Variants in PTPRU observed in about 807,000 individuals in gnomAD.
PTPRU encodes receptor-type tyrosine-protein phosphatase U.
PTPRU carries 69 observed loss-of-function variants against 166.3 expected under a neutral mutation model. The ratio of observed to expected loss-of-function variants is 0.41; its 90% CI spans 0.34 to 0.51. The LOEUF is 0.51. Ranked by LOEUF, PTPRU falls within the 20% of genes least tolerant of loss-of-function variation. PTPRU has a pLI of 0.09. For synonymous variants in PTPRU, 793 were observed against 814.0 expected (o/e 0.97, Z 0.44); for missense variants, 1,657 against 2,013.7 (o/e 0.82, Z 3.39).
intron 7 of PTPRU, among the ~76,000 whole-genome samples, chr1:29,262,773 A>G (rs1340672948): frequency 6.6e-6 from 1 of 152,106 alleles, no homozygotes; most frequent in Non-Finnish European, 1.5e-5. Context: ...ACCATTAACC[A>G]TTAATCAATT....
chr1:29,314,990 G>A (rs1192558856), intron 22 of PTPRU, among the ~76,000 whole-genome samples: 2 of 152,216 alleles, frequency 1.3e-5, no homozygotes, highest in East Asian at 3.8e-4. Flanking sequence ...GGGTATGAGT[G>A]TGTGGGCTTT....
Position 29,279,926 on chromosome 1 carries a change from G to T in PTPRU, c.1766-113G>T. 1 of 1,165,230 alleles carries T rather than the reference G, an allele frequency of 8.6e-7. No homozygotes were observed. Among genetic ancestry groups the T allele is most frequent in the Non-Finnish European group, 1.2e-6 (1 of 816,584 alleles). The allele number at this position is 1,165,230 out of a possible 1,614,324, so 72.2% of individuals were successfully genotyped here. On this transcript the variant is annotated intron_variant, in intron 10 of 29. Transcript: ENST00000373779. This position sits in a 1 kb window ranked among gnomAD's most constrained non-coding sequence, Gnocchi z 5.2. Reference sequence around the variant, plus strand: ...CTCAGGTCATGTCAGCAGGAACAAAGAGGCTAAGGCTGAAGTAGGGGAGAT... The same window carrying T: ...CTCAGGTCATGTCAGCAGGAACAAATAGGCTAAGGCTGAAGTAGGGGAGAT...
chr1:29,273,272 C>T (rs868753188), intron 7 of PTPRU, among the ~76,000 whole-genome samples: 2 of 152,056 alleles, frequency 1.3e-5, no homozygotes, highest in Admixed American at 6.5e-5. Flanking sequence ...CTTTTCTTTT[C>T]TATTCTTTTT....
At chr1:29,321,451 C>T (rs779504505) in intron 26 of PTPRU, among the ~76,000 whole-genome samples, 7 of 152,148 alleles carry the variant, frequency 4.6e-5, no homozygotes, top group Non-Finnish European at 8.8e-5. Flanking sequence ...AAAATTAAGA[C>T]CCAAAGAGGT....
intron 15 of PTPRU, among the ~76,000 whole-genome samples, chr1:29,294,263 A>G (rs1686782217): frequency 6.6e-6 from 1 of 152,188 alleles, no homozygotes; most frequent in Non-Finnish European, 1.5e-5. Context: ...CTTCTGCCAC[A>G]TTAGTTTGTA....
intron 15 of PTPRU, among the ~76,000 whole-genome samples, chr1:29,299,217 C>T (rs1035402469): frequency 2.0e-5 from 3 of 152,198 alleles, no homozygotes; most frequent in African/African-American, 7.2e-5. Context: ...TTTTCTGGGC[C>T]TCAGCCCTCC....
intron 26 of PTPRU, among the ~76,000 whole-genome samples, chr1:29,321,994 T>G (rs1210393120): frequency 6.6e-6 from 1 of 152,266 alleles, no homozygotes; most frequent in East Asian, 1.9e-4. Context: ...AGCTTTCTGC[T>G]GGGCCCAGGG....
At chr1:29,305,633 T>G in intron 18 of PTPRU, 2 of 752,320 alleles carry the variant, frequency 2.7e-6, no homozygotes, top group Admixed American at 1.7e-5. Flanking sequence ...TAGGTGGGAG[T>G]TGGCCTGAGA....
At chr1:29,284,710 G>C in intron 13 of PTPRU, 21 bp from the exon 14 acceptor site, 1 of 1,614,028 alleles carries the variant, frequency 6.2e-7, no homozygotes, top group Non-Finnish European at 8.5e-7. Context: ...CTGATCCCTT[G>C]TTCTGCTTTG....
Position 29,315,303 on chromosome 1 carries a change from T to C in PTPRU, c.3228-69T>C. 1.9e-6 allele frequency: 3 copies of C among 1,593,724 alleles called. No homozygotes were observed. The highest frequency in any genetic ancestry group is 2.6e-6 in the Non-Finnish European group (3 of 1,165,586). On this transcript the variant is annotated intron_variant, in intron 22 of 29. Coordinates refer to ENST00000373779, the MANE Select transcript of PTPRU (RefSeq NM_133178.4). The surrounding 1 kb of genome is among the most constrained non-coding windows in gnomAD (Gnocchi z 4.5). The stretch of plus-strand genomic sequence containing the variant: ...TGTAGACATGGCCAGTGCCCTCCTC[T>C]CTTCTTCTCCTTAGTCCCGGGCTTC...
rs975589364 is a variant in PTPRU, at chr1:29,280,606, C to T, written c.1868+465C>T. Among the ~76,000 whole-genome samples the T allele has an allele frequency of 4.0e-5, 6 of 151,618 alleles. No homozygotes were observed. The highest frequency in any genetic ancestry group is 7.4e-5 in the Non-Finnish European group (5 of 67,940). On this transcript the variant is annotated intron_variant, in intron 11 of 29. Transcript: ENST00000373779. The surrounding 1 kb of genome is among the most constrained non-coding windows in gnomAD (Gnocchi z 4.2). ...CAGAGGAAGCTGGGCTTGCTGGTGC[C>T]GTGGTGGCTGCCTCTGCTGGGGAGA...
intron 18 of PTPRU, among the ~76,000 whole-genome samples, chr1:29,308,839 T>C (rs538449907): frequency 6.6e-6 from 1 of 151,728 alleles, no homozygotes; most frequent in South Asian, 2.1e-4. Context: ...CTGGGTAACA[T>C]AGTGAGACCC....
At position 29,325,769 on chromosome 1, in the gene PTPRU, G is replaced by A; in HGVS notation, c.*108G>A. ...GCTCTGCCCAAACACACTCCCATGG[G>A]GCAAGCACTGGAGTGGATGCTGGGC... is the stretch of plus-strand genomic sequence containing the variant. On this transcript the variant is annotated 3_prime_UTR_variant, in exon 30 of 30. Coordinates refer to ENST00000373779, the MANE Select transcript of PTPRU (RefSeq NM_133178.4). 8.2e-7 allele frequency: 1 copy of A among 1,213,986 alleles called. No individual in the cohort carries two copies. Among genetic ancestry groups the A allele is most frequent in the Non-Finnish European group, 1.1e-6 (1 of 875,350 alleles). 75.2% of individuals were successfully genotyped at this position (1,213,986 alleles called of 1,614,324 possible). A position where few individuals can be genotyped will look rare whatever the true frequency, so the allele number is the denominator to read the frequency against.
In PTPRU at chr1:29,317,408, C is replaced by T. The variant is rs1687947209; in HGVS notation, c.3514-340C>T. Among the ~76,000 whole-genome samples, 1 of 152,144 alleles carries T rather than the reference C, an allele frequency of 6.6e-6. No individual in the cohort carries two copies. Among genetic ancestry groups the T allele is most frequent in the African/African-American group, 2.4e-5 (1 of 41,430 alleles). ...CGTGTGTGCCGAGCTCAGCCCAGTG[C>T]TTGTCATGATCTCACTTTGGCCTCC... is the stretch of plus-strand genomic sequence containing the variant. On this transcript the variant is annotated intron_variant, in intron 24 of 29. Coordinates refer to ENST00000373779, the MANE Select transcript of PTPRU (RefSeq NM_133178.4). The surrounding 1 kb of genome is among the most constrained non-coding windows in gnomAD (Gnocchi z 5.6).
chr1:29,281,812 C>G (rs1040836689), intron 11 of PTPRU, among the ~76,000 whole-genome samples: 1 of 152,130 alleles, frequency 6.6e-6, no homozygotes, highest in African/African-American at 2.4e-5. Context: ...TTCTGCTTCC[C>G]CAAGGAGAGG....
At chr1:29,305,904 C>T (rs953067806) in intron 18 of PTPRU, among the ~76,000 whole-genome samples, 3 of 152,158 alleles carry the variant, frequency 2.0e-5, no homozygotes, top group Admixed American at 1.3e-4. Context: ...TTATCCAGCA[C>T]GTACTGAGTG....
chr1:29,307,176 C>T (rs1687430745), intron 18 of PTPRU: 1 of 1,604,466 alleles, frequency 6.2e-7, no homozygotes, highest in African/African-American at 1.3e-5. Context: ...TCTCCTCCTC[C>T]TCCTCTTCCT....
In PTPRU at chr1:29,279,100, T is replaced by A; in HGVS notation, c.1542T>A (p.Asn514Lys). The A allele has an allele frequency of 6.3e-7, 1 of 1,580,978 alleles. No individual in the cohort carries two copies. The highest frequency in any genetic ancestry group is 8.6e-7 in the Non-Finnish European group (1 of 1,162,772). ...AGTGGGAGGAGCCCCAGGAGCCCAATGGTCTCATCACCCAGTATGAGGTGG... is the reference window on the plus strand; with the variant it reads ...AGTGGGAGGAGCCCCAGGAGCCCAAAGGTCTCATCACCCAGTATGAGGTGG... ...FLKWEEPQEP[N>K]GLITQYEISY... Residue 514 changes from asparagine (N) to lysine (K), a missense_variant, in exon 9 of 30, where the codon AAT becomes AAA. Physicochemically the swap from Asn to Lys is moderately conservative, Grantham distance 94. Around this residue, in one of 3 missense-constraint regions of PTPRU, gnomAD observed 1,190 missense variants for 1,477.4 expected, o/e 0.81. Transcript: ENST00000373779. This position sits in a 1 kb window ranked among gnomAD's most constrained non-coding sequence, Gnocchi z 5.2.
chr1:29,305,055 T>C (rs1418453086), intron 17 of PTPRU, among the ~76,000 whole-genome samples: 1 of 152,206 alleles, frequency 6.6e-6, no homozygotes, highest in Non-Finnish European at 1.5e-5. Context: ...CTATAATCCC[T>C]GTTTTACAAA....
Sources: allele counts gnomAD v4.1 joint callset (sites outside exome capture counted in the v4.1 genomes callset), GRCh38; gene constraint gnomAD v4.1.1; regional missense constraint gnomAD v4.1.1; non-coding constraint Gnocchi (gnomAD v3.1); transcripts MANE v1.5; gene names NCBI Gene and HGNC (gene_info 2026-07-23, HGNC 2026-07-21).